Variants in SAMD12 observed in about 807,000 individuals in gnomAD.
The protein encoded by SAMD12 is sterile alpha motif domain-containing protein 12.
In SAMD12, 9 loss-of-function variants were observed where a neutral mutation model predicts 15.0. The observed-to-expected ratio is 0.60, with a 90% CI of 0.36 to 1.05. SAMD12 has a LOEUF of 1.05. SAMD12 is among the 50% of genes least tolerant of loss of function. The pLI, the probability that SAMD12 is intolerant of heterozygous loss-of-function variation, is 0.01. For missense variants in SAMD12, 230 were observed against 234.2 expected (o/e 0.98, Z 0.12); for synonymous variants, 86 against 90.1 (o/e 0.96, Z 0.25).
the SAMD12 span, among the ~76,000 whole-genome samples, chr8:118,156,280 A>C: frequency 6.6e-6 from 1 of 152,236 alleles, no homozygotes; most frequent in African/African-American, 2.4e-5. Context: ...AACACAGAAC[A>C]AAGTATCTGT....
At chr8:118,435,353 TA>T (rs900653333) in intron 3 of SAMD12, among the ~76,000 whole-genome samples, 8 of 152,088 alleles carry the variant, frequency 5.3e-5, no homozygotes, top group African/African-American at 1.7e-4. Context: ...TGAACCTAAT[TA>T]AAAAAATTAA....
the SAMD12 span, among the ~76,000 whole-genome samples, chr8:118,140,012 G>A: frequency 6.6e-6 from 1 of 152,162 alleles, no homozygotes; most frequent in Non-Finnish European, 1.5e-5. Flanking sequence ...ATCACAGGGA[G>A]TTTTGAACCA....
In SAMD12 at chr8:118,517,263, A is replaced by G. The variant is rs528493638; in HGVS notation, c.192+63452T>C. On this transcript the variant is annotated intron_variant, in intron 2 of 3. Transcript: ENST00000314727. ...GATAAACTGAAACCATTTTGGGTACAGACAGATTACATCAGTGCTCTGGGG... is the reference window on the plus strand; with the variant it reads ...GATAAACTGAAACCATTTTGGGTACGGACAGATTACATCAGTGCTCTGGGG... Among the ~76,000 whole-genome samples, 15 of 152,338 alleles carry G rather than the reference A, an allele frequency of 9.8e-5. No individual in the cohort carries two copies. In the East Asian group the frequency reaches 2.9e-3, roughly 29 times the overall value.
At chr8:118,418,998 T>A (rs1045353290) in intron 3 of SAMD12, among the ~76,000 whole-genome samples, 1 of 152,222 alleles carries the variant, frequency 6.6e-6, no homozygotes, top group African/African-American at 2.4e-5. Context: ...TCCACATTAA[T>A]AAGGAATGAC....
At chr8:118,483,573 A>G (rs1824190236) in intron 2 of SAMD12, among the ~76,000 whole-genome samples, 1 of 152,146 alleles carries the variant, frequency 6.6e-6, no homozygotes, top group Non-Finnish European at 1.5e-5. Flanking sequence ...GATTTTGTCA[A>G]TAAGATGAAA....
chr8:118,558,021 T>C (rs1225202153), intron 2 of SAMD12, among the ~76,000 whole-genome samples: 1 of 152,232 alleles, frequency 6.6e-6, no homozygotes, highest in African/African-American at 2.4e-5. Flanking sequence ...TCTGGTCTTC[T>C]ACTCATGAAA....
intron 2 of SAMD12, among the ~76,000 whole-genome samples, chr8:118,465,212 TG>T: frequency 6.6e-6 from 1 of 152,256 alleles, no homozygotes; most frequent in East Asian, 1.9e-4. Flanking sequence ...CCAGGAGCAA[TG>T]ATTATACTTC....
At chr8:118,231,235 T>C (rs965894769) in intron 4 of SAMD12, among the ~76,000 whole-genome samples, 1 of 152,166 alleles carries the variant, frequency 6.6e-6, no homozygotes, top group South Asian at 2.1e-4. Context: ...AGGCTTTAGA[T>C]CAAAGGAAGA....
At chr8:118,311,676 T>C (rs1423334065) in intron 4 of SAMD12, among the ~76,000 whole-genome samples, 1 of 152,198 alleles carries the variant, frequency 6.6e-6, no homozygotes, top group African/African-American at 2.4e-5. Context: ...GAAAAGAATG[T>C]TCTTTTTGGT....
intron 4 of SAMD12, among the ~76,000 whole-genome samples, chr8:118,355,159 G>A (rs911680537): frequency 6.6e-6 from 1 of 152,172 alleles, no homozygotes; most frequent in Non-Finnish European, 1.5e-5. Context: ...CAATCAACAA[G>A]GGGATAAAGA....
At chr8:118,466,259 T>C (rs1262901665) in intron 2 of SAMD12, among the ~76,000 whole-genome samples, 2 of 152,196 alleles carry the variant, frequency 1.3e-5, no homozygotes, top group Admixed American at 6.5e-5. Context: ...ATCCAGTGTA[T>C]GGGATCAGGA....
At chr8:118,348,057 A>G (rs1817758471) in intron 4 of SAMD12, among the ~76,000 whole-genome samples, 1 of 152,044 alleles carries the variant, frequency 6.6e-6, no homozygotes, top group Non-Finnish European at 1.5e-5. Context: ...AACTGCTACA[A>G]CTGTGTTTAT....
chr8:118,222,481 T>G (rs1812103612), intron 4 of SAMD12, among the ~76,000 whole-genome samples: 1 of 152,156 alleles, frequency 6.6e-6, no homozygotes, highest in Non-Finnish European at 1.5e-5. Context: ...TAATCTAAAA[T>G]TTAAAAATGT....
chr8:118,277,618 AATG>A (rs1218440112), intron 4 of SAMD12, among the ~76,000 whole-genome samples: 1 of 152,128 alleles, frequency 6.6e-6, no homozygotes, highest in African/African-American at 2.4e-5. Context: ...TCTACTCTCA[AATG>A]ATATTATTTA....
intron 4 of SAMD12, among the ~76,000 whole-genome samples, chr8:118,211,411 A>G (rs973130957): frequency 2.0e-5 from 3 of 152,168 alleles, no homozygotes; most frequent in African/African-American, 7.2e-5. Context: ...TGGCCCTCCA[A>G]TGGAGCTGGC....
chr8:118,176,816 A>T, the SAMD12 span, among the ~76,000 whole-genome samples: 5 of 152,178 alleles, frequency 3.3e-5, no homozygotes, highest in African/African-American at 1.2e-4. Context: ...TTAAAAAAAA[A>T]CCACTATTGT....
At chr8:118,172,366 C>G in the SAMD12 span, among the ~76,000 whole-genome samples, 2 of 152,128 alleles carry the variant, frequency 1.3e-5, no homozygotes, top group East Asian at 3.9e-4. Context: ...GAATGTTAGA[C>G]TTTATAGTCA....
chr8:118,370,567 A>G (rs556658881), intron 4 of SAMD12, among the ~76,000 whole-genome samples: 1 of 152,340 alleles, frequency 6.6e-6, no homozygotes, highest in Admixed American at 6.5e-5. Flanking sequence ...TCATAAAGAA[A>G]ATGTGGTACA....
At chr8:118,505,421 G>T (rs2131051140) in intron 2 of SAMD12, among the ~76,000 whole-genome samples, 1 of 150,132 alleles carries the variant, frequency 6.7e-6, no homozygotes, top group South Asian at 2.1e-4. Flanking sequence ...ATATGATTAA[G>T]TTCTGGTCTG....
Sources: allele counts gnomAD v4.1 joint callset (sites outside exome capture counted in the v4.1 genomes callset), GRCh38; gene constraint gnomAD v4.1.1; transcripts MANE v1.5; gene names NCBI Gene and HGNC (gene_info 2026-07-23, HGNC 2026-07-21).